Variants in HARS1 observed in about 807,000 individuals in gnomAD.
HARS1 encodes the protein histidyl-tRNA synthetase 1, also known as histidine--tRNA ligase, cytoplasmic.
A neutral mutation model predicts 63.6 loss-of-function variants in HARS1; 45 were observed. The ratio of observed to expected loss-of-function variants is 0.71; its 90% confidence interval spans 0.56 to 0.91. The LOEUF (loss-of-function observed/expected upper bound fraction) is 0.91. HARS1 is among the 40% of genes least tolerant of loss of function. The pLI is 0.00. For synonymous variants in HARS1, 205 were observed against 247.1 expected, an observed-to-expected ratio of 0.83 and a Z score of 1.60; for missense variants, 508 against 643.2, an observed-to-expected ratio of 0.79 and a Z score of 2.27.
intron 3 of HARS1, among the ~76,000 whole-genome samples, chr5:140,680,670 C>T (rs1758669129): frequency 6.6e-6 from 1 of 151,856 alleles, no homozygotes; most frequent in East Asian, 1.9e-4. Flanking sequence ...ATGGTGAAAC[C>T]CTGTCTCTAC....
At chr5:140,687,312 G>A (rs999610815) in intron 2 of HARS1, 4 of 152,212 alleles carry the variant, frequency 2.6e-5, no homozygotes, top group African/African-American at 9.6e-5. Flanking sequence ...CTGAGCTCAA[G>A]AGTTCCAAAC....
At chr5:140,680,043 C>A (rs1324399906) in intron 3 of HARS1, among the ~76,000 whole-genome samples, 160 bp from the exon 4 acceptor site, 2 of 152,070 alleles carry the variant, frequency 1.3e-5, no homozygotes, top group Non-Finnish European at 2.9e-5. Context: ...AAGGAAACAC[C>A]AATTTTGTGT....
At chr5:140,686,713 G>T (rs895640233) in intron 2 of HARS1, among the ~76,000 whole-genome samples, 1 of 150,928 alleles carries the variant, frequency 6.6e-6, no homozygotes, top group Non-Finnish European at 1.5e-5. Context: ...CGATTCTTGT[G>T]CCTTAGCTTC....
At chr5:140,678,238 ATCT>A (rs1758509628) in intron 5 of HARS1, 1 of 572,610 alleles carries the variant, frequency 1.7e-6, no homozygotes. Flanking sequence ...CTACTTCATC[ATCT>A]TCTTAACTCC....
At chr5:140,683,527 C>A in intron 2 of HARS1, 2 of 1,105,740 alleles carry the variant, frequency 1.8e-6, no homozygotes, top group Non-Finnish European at 1.1e-6. Flanking sequence ...CATTTCCTGG[C>A]CTAATAACAA....
At chr5:140,682,363 A>G (rs1053190297) in intron 3 of HARS1, among the ~76,000 whole-genome samples, 1 of 152,168 alleles carries the variant, frequency 6.6e-6, no homozygotes, top group Non-Finnish European at 1.5e-5. Flanking sequence ...CACACTGACT[A>G]TGTTCCAAGA....
At chr5:140,675,164 GC>G (rs773841834) in intron 10 of HARS1, 31 bp from the exon 11 acceptor site, 1 of 1,356,032 alleles carries the variant, frequency 7.4e-7, no homozygotes, top group Non-Finnish European at 1.1e-6. Flanking sequence ...AGAGAGCTGG[GC>G]TAACACCTTC....
intron 3 of HARS1, 33 bp downstream of exon 3, chr5:140,683,067 C>G: frequency 1.2e-6 from 2 of 1,602,244 alleles, no homozygotes; most frequent in Non-Finnish European, 1.7e-6. Context: ...GCCCACTCAT[C>G]TACCATGTAG....
chr5:140,682,045 A>G (rs1758760286), intron 3 of HARS1, among the ~76,000 whole-genome samples: 1 of 152,188 alleles, frequency 6.6e-6, no homozygotes, highest in African/African-American at 2.4e-5. Context: ...TAGTTGGAGA[A>G]GATTACTTGA....
At chr5:140,683,347 A>G in intron 2 of HARS1, 128 bp from the exon 3 acceptor site, 1 of 1,007,060 alleles carries the variant, frequency 9.9e-7, no homozygotes, top group Non-Finnish European at 1.4e-6. Context: ...ATTTTCCTAC[A>G]GGCCACTGAG....
At position 140,683,204 on chromosome 5, in the gene HARS1, T is replaced by C; in HGVS notation, c.196A>G (p.Ser66Gly). ...LKTPKGTRDY[S>G]PRQMAVREKV... ...TCGCGAACTGCCATCTGCCGGGGAC[T>C]ATAGTCTCTTGTGCCCTTGGAGTTG... Residue 66 changes from serine (S) to glycine (G), a missense_variant, in exon 3 of 13, where the codon AGT becomes GGT. Physicochemically the swap from Ser to Gly is moderately conservative, Grantham distance 56. Around this residue, in one of 2 missense-constraint regions of HARS1, gnomAD observed 105 missense variants for 94.5 expected, o/e 1.11. Transcript: ENST00000504156. 1 of 1,613,972 alleles carries C rather than the reference T, an allele frequency of 6.2e-7. No individual in the cohort carries two copies. Among genetic ancestry groups the C allele is most frequent in the Non-Finnish European group, 8.5e-7 (1 of 1,179,814 alleles).
intron 2 of HARS1, 50 bp from the exon 3 acceptor site, chr5:140,683,269 G>T: frequency 6.3e-7 from 1 of 1,586,442 alleles, no homozygotes; most frequent in South Asian, 1.1e-5. Flanking sequence ...TGAAAACCAA[G>T]AACAATATGT....
chr5:140,677,636 C>T lies in HARS1; in HGVS notation c.729+19G>A, dbSNP rs781501565. The T allele has an allele frequency of 6.5e-7, 1 of 1,545,866 alleles. No individual in the cohort carries two copies. Among genetic ancestry groups the T allele is most frequent in the South Asian group, 1.1e-5 (1 of 89,738 alleles). ...CAGGGTGGGATCTGGGAAAAGAAGT[C>T]AAGTACTTGGGTTGTTACCTTGTCC... On this transcript the variant is annotated intron_variant, in intron 7 of 12. Coordinates refer to ENST00000504156, the MANE Select transcript of HARS1 (RefSeq NM_002109.6).
At position 140,674,325 on chromosome 5, in the gene HARS1, C is replaced by G; in HGVS notation, c.1462G>C (p.Asp488His). 1 of 1,608,568 alleles carries G rather than the reference C, an allele frequency of 6.2e-7. No homozygotes were observed. The change falls in exon 13 of 13, where the codon GAT (aspartate) becomes CAT (histidine). Residue 488 changes from aspartate to histidine, a missense_variant. Coordinates refer to ENST00000504156, the MANE Select transcript of HARS1 (RefSeq NM_002109.6). ...TCCACAAGGTCTTCTCTTCGGACAT[C>G]CACCTGGCCAGGATGGGAGAAGAAG... ...LRSVTSREEV[D>H]VRREDLVEEI...
At chr5:140,681,117 G>A (rs1413035814) in intron 3 of HARS1, among the ~76,000 whole-genome samples, 2 of 152,078 alleles carry the variant, frequency 1.3e-5, no homozygotes, top group African/African-American at 4.8e-5. Flanking sequence ...TAAAAAGCCT[G>A]AAACTTCCCA....
chr5:140,689,826 T>G (rs1759269257), intron 2 of HARS1, among the ~76,000 whole-genome samples: 1 of 152,198 alleles, frequency 6.6e-6, no homozygotes, highest in Non-Finnish European at 1.5e-5. Context: ...ACAGTTCTGT[T>G]TATAGAACTT....
In HARS1 at chr5:140,683,087, G is replaced by A; in HGVS notation, c.300+13C>T. The stretch of plus-strand genomic sequence containing the variant: ...CTCATCTACCATGTAGTTTCTTCTT[G>A]CCCATTCCTCACCTTTAGTTCAAAT... On this transcript the variant is annotated intron_variant, in intron 3 of 12. Transcript: ENST00000504156. 6.2e-7 allele frequency: 1 copy of A among 1,611,090 alleles called. No individual in the cohort carries two copies. The highest frequency in any genetic ancestry group is 8.5e-7 in the Non-Finnish European group (1 of 1,177,844).
At chr5:140,689,651 T>A (rs1182688485) in intron 2 of HARS1, among the ~76,000 whole-genome samples, 1 of 152,136 alleles carries the variant, frequency 6.6e-6, no homozygotes, top group African/African-American at 2.4e-5. Flanking sequence ...GATCCACAGT[T>A]GGTTGAATCT....
Position 140,677,323 on chromosome 5 carries a change from T to C in HARS1, c.823+4A>G. 1 of 1,605,652 alleles carries C rather than the reference T, an allele frequency of 6.2e-7. No individual in the cohort carries two copies. The highest frequency in any genetic ancestry group is 8.5e-7 in the Non-Finnish European group (1 of 1,172,552). ...TGCTGGGGAGGCTTGGTTCTGTTCCTCACCATGTTGCTGGACATAGTCCCC... is the reference window on the plus strand; with the variant it reads ...TGCTGGGGAGGCTTGGTTCTGTTCCCCACCATGTTGCTGGACATAGTCCCC... On this transcript the variant is annotated splice_donor_region_variant and intron_variant, in intron 8 of 12. Transcript: ENST00000504156.
Sources: gnomAD v4.1 joint callset for allele counts (sites outside exome capture counted in the v4.1 genomes callset) on GRCh38, gnomAD v4.1.1 for gene constraint, gnomAD v4.1.1 regional missense constraint, MANE v1.5 for transcripts, NCBI Gene and HGNC (gene_info 2026-07-23, HGNC 2026-07-21) for gene names.